TRMT11: variants seen among roughly 807,000 people sequenced by gnomAD.
TRMT11 encodes the protein tRNA methyltransferase 11, also known as tRNA (guanine(10)-N(2))-methyltransferase TRMT11.
A neutral mutation model predicts 62.8 loss-of-function variants in TRMT11; 53 were observed. The observed-to-expected ratio is 0.84, with a 90% CI of 0.68 to 1.06. The LOEUF (loss-of-function observed/expected upper bound fraction) is 1.06, where lower values mean the gene tolerates loss of function less well. Among genes scored for constraint, TRMT11 ranks in the 50% least tolerant of loss-of-function variants. TRMT11 has a pLI of 0.00. For synonymous variants in TRMT11, 188 were observed against 190.3 expected, an observed-to-expected ratio of 0.99 and a Z score of 0.10; for missense variants, 556 against 553.4, an observed-to-expected ratio of 1.00 and a Z score of -0.05.
chr6:125,991,635 A>G (rs1214673925), intron 1 of TRMT11, among the ~76,000 whole-genome samples: 1 of 152,030 alleles, frequency 6.6e-6, no homozygotes, highest in Non-Finnish European at 1.5e-5. Context: ...GTGATATAGA[A>G]TCTCTTCTGG....
chr6:126,098,261 C>T (rs1056761593), intron 17 of TRMT11, among the ~76,000 whole-genome samples: 1 of 152,182 alleles, frequency 6.6e-6, no homozygotes, highest in Non-Finnish European at 1.5e-5. Flanking sequence ...CGCTGCACAG[C>T]TCTCCCACAG....
At chr6:126,183,581 G>T (rs1416373874) in intron 1 of TRMT11, among the ~76,000 whole-genome samples, 1 of 152,112 alleles carries the variant, frequency 6.6e-6, no homozygotes, top group Non-Finnish European at 1.5e-5. Flanking sequence ...GAGGTCCCAG[G>T]GAGTGCTAAA....
intron 17 of TRMT11, among the ~76,000 whole-genome samples, chr6:126,053,943 A>C (rs1281310087): frequency 6.6e-6 from 1 of 152,184 alleles, no homozygotes; most frequent in Non-Finnish European, 1.5e-5. Context: ...AGAGAATAGC[A>C]CTGGAAAAGC....
At chr6:126,006,959 G>A (rs1399268759) in intron 7 of TRMT11, 1 of 151,996 alleles carries the variant, frequency 6.6e-6, no homozygotes, top group Non-Finnish European at 1.5e-5. Flanking sequence ...TTCTAGGTGA[G>A]TATCTGCCTT....
rs146300940 is a variant in TRMT11 at position 126,160,454 on chromosome 6, C to T, written c.*1824-14371C>T. 2.5e-3 allele frequency among the ~76,000 whole-genome samples: 374 copies of T among 152,040 alleles called. 1 individual carries two copies. The highest frequency in any genetic ancestry group is 4.4e-3 in the South Asian group (21 of 4,814). ...AGTCACCATCTTTCTAGACCTCATG[C>T]TCAAGTCCATGGAGACTAGAAGGAA... On this transcript the variant is annotated intron_variant and NMD_transcript_variant, in intron 21 of 22. Transcript: ENST00000648977.
intron 21 of TRMT11, among the ~76,000 whole-genome samples, chr6:126,126,296 T>C (rs1777718481): frequency 6.6e-6 from 1 of 152,158 alleles, no homozygotes; most frequent in Non-Finnish European, 1.5e-5. Flanking sequence ...TATTTACTCA[T>C]ATACACATTT....
In TRMT11 at chr6:126,021,265, G is replaced by A. The variant is rs147290904; in HGVS notation, c.1245G>A (p.Lys415=). ...CAAGGCGCTTGATCACAATGGAAAA[G>A]GTGAAGAAATTTGAGGTAAATTGCT... ...HTSRRLITME[K]VKKFENRDQY... The change falls in exon 12 of 13, where the codon AAG becomes AAA. Residue 415 remains lysine, a synonymous_variant. Transcript: ENST00000334379. 141 of 1,613,856 alleles carry A rather than the reference G, an allele frequency of 8.7e-5. No individual in the cohort carries two copies. The African/African-American group carries it at 1.4e-3, about 16-fold the overall frequency.
the TRMT11 span, among the ~76,000 whole-genome samples, chr6:126,253,279 A>G: frequency 5.3e-5 from 8 of 152,194 alleles, no homozygotes; most frequent in African/African-American, 1.9e-4. Context: ...TTCAGGGGCA[A>G]TAACACTCAT....
chr6:126,181,629 A>G (rs2128241159), intron 1 of TRMT11, among the ~76,000 whole-genome samples: 1 of 152,344 alleles, frequency 6.6e-6, no homozygotes, highest in Non-Finnish European at 1.5e-5. Flanking sequence ...TTTAAAAGAA[A>G]AGGGCACCAT....
At position 126,037,349 on chromosome 6, in the gene TRMT11, T is replaced by G. The variant is rs150011587; in HGVS notation, c.1261-1356T>G. On this transcript the variant is annotated intron_variant, in intron 12 of 12. Transcript: ENST00000334379. ...TAGGTCGTACATATAAAGCATTTAG[T>G]ATTGTTTTTGGTCCATACAAAATAA... is the stretch of plus-strand genomic sequence containing the variant. 2.5e-4 allele frequency among the ~76,000 whole-genome samples: 38 copies of G among 152,216 alleles called. No individual in the cohort carries two copies. In the East Asian group the frequency reaches 5.0e-3, roughly 20 times the overall value.
At chr6:126,042,306 G>C (rs1429931202), downstream of TRMT11, among the ~76,000 whole-genome samples, 3 of 152,124 alleles carry the variant, frequency 2.0e-5, no homozygotes, top group Admixed American at 2.0e-4. Context: ...TCACTGTGTG[G>C]GATAAGCAAG....
chr6:126,223,396 G>A, the TRMT11 span, among the ~76,000 whole-genome samples: 77 of 151,500 alleles, frequency 5.1e-4, no homozygotes, highest in African/African-American at 1.8e-3. Flanking sequence ...ACTCCAGCCT[G>A]GGCAACAGAG....
At chr6:126,131,809 A>G (rs186143540) in intron 21 of TRMT11, among the ~76,000 whole-genome samples, 1 of 152,004 alleles carries the variant, frequency 6.6e-6, no homozygotes, top group East Asian at 1.9e-4. Flanking sequence ...TTTTTAAGAA[A>G]GTCCTCAAAA....
At chr6:126,094,613 G>A (rs984420520) in intron 17 of TRMT11, among the ~76,000 whole-genome samples, 1 of 152,180 alleles carries the variant, frequency 6.6e-6, no homozygotes, top group Non-Finnish European at 1.5e-5. Flanking sequence ...ACTATTTCCT[G>A]GTTGGCGGGC....
intron 18 of TRMT11, among the ~76,000 whole-genome samples, chr6:126,113,606 A>G (rs1463103423): frequency 6.6e-6 from 1 of 152,128 alleles, no homozygotes; most frequent in African/African-American, 2.4e-5. Context: ...TGTGTCAGCC[A>G]ATCTACTAGG....
At chr6:126,100,721 CG>C (rs1562322924) in intron 17 of TRMT11, among the ~76,000 whole-genome samples, 8 of 152,158 alleles carry the variant, frequency 5.3e-5, no homozygotes, top group Admixed American at 4.6e-4. Flanking sequence ...AGACAAGAGT[CG>C]GGGGAATGGT....
At chr6:126,091,103 G>C (rs1777270981) in intron 17 of TRMT11, among the ~76,000 whole-genome samples, 1 of 151,874 alleles carries the variant, frequency 6.6e-6, no homozygotes, top group South Asian at 2.1e-4. Context: ...CCAGCTACGT[G>C]GGTGGTTGGC....
At chr6:126,215,736 G>A in the TRMT11 span, among the ~76,000 whole-genome samples, 1 of 151,692 alleles carries the variant, frequency 6.6e-6, no homozygotes, top group African/African-American at 2.4e-5. Context: ...TATTTTTTTG[G>A]TATGTGTTGC....
At chr6:126,144,712 G>C (rs1345637952) in intron 21 of TRMT11, among the ~76,000 whole-genome samples, 1 of 152,012 alleles carries the variant, frequency 6.6e-6, no homozygotes, top group Non-Finnish European at 1.5e-5. Context: ...ACTCTTCCTT[G>C]TCAGGAAGGT....
Sources: gnomAD v4.1 joint callset for allele counts (sites outside exome capture counted in the v4.1 genomes callset) on GRCh38, gnomAD v4.1.1 for gene constraint, MANE v1.5 for transcripts, NCBI Gene and HGNC (gene_info 2026-07-23, HGNC 2026-07-21) for gene names.